Variants in TM4SF4 observed in about 807,000 individuals in gnomAD.
TM4SF4 encodes transmembrane 4 L6 family member 4.
A neutral mutation model predicts 24.1 loss-of-function variants in TM4SF4; 24 were observed. That is an observed-to-expected ratio of 1.00 (90% CI 0.72 to 1.40). The LOEUF (loss-of-function observed/expected upper bound fraction) is 1.40. Ranked by LOEUF, TM4SF4 falls within the 40% of genes most tolerant of loss-of-function variation. The probability of loss-of-function intolerance (pLI) is 0.00; values close to 1 mark genes in which losing one functional copy is unlikely to be tolerated. For missense variants in TM4SF4, 254 were observed against 254.2 expected (o/e 1.00, Z 0.01); for synonymous variants, 113 against 97.0 (o/e 1.17, Z -0.97).
intron 3 of TM4SF4, chr3:149,495,740 G>A: frequency 4.3e-6 from 1 of 233,286 alleles, no homozygotes; most frequent in South Asian, 6.3e-5. Context: ...CAAGTTTGCT[G>A]AGCTGAAGGA....
chr3:149,498,818 A>G lies in TM4SF4; in HGVS notation c.498A>G (p.Val166=). 3.7e-6 allele frequency: 6 copies of G among 1,613,970 alleles called. No individual in the cohort carries two copies. Among genetic ancestry groups the G allele is most frequent in the Non-Finnish European group, 4.2e-6 (5 of 1,179,870 alleles). ...CCCTCTTCTCCATCCTGCTGGTCGT[A>G]GGAGGAATCCAGATGGTTCTCTGCG... ...NLTLFSILLV[V]GGIQMVLCAI... is the part of the protein sequence containing the mutation. The change falls in exon 4 of 5, where the codon GTA becomes GTG. Residue 166 remains valine (V), a synonymous_variant. Transcript: ENST00000305354.
chr3:149,475,436 G>T (rs576231551), intron 1 of TM4SF4, among the ~76,000 whole-genome samples: 77 of 152,316 alleles, frequency 5.1e-4, no homozygotes, highest in African/African-American at 1.9e-3. Context: ...GCTGTTGTCA[G>T]TGTGGTCGTC....
chr3:149,502,337 C>T (rs911744416), intron 4 of TM4SF4, among the ~76,000 whole-genome samples: 2 of 151,964 alleles, frequency 1.3e-5, no homozygotes, highest in Admixed American at 1.3e-4. Context: ...AATTCATCAT[C>T]CACAGAACCA....
At chr3:149,493,066 A>G (rs1053273435) in intron 3 of TM4SF4, among the ~76,000 whole-genome samples, 3 of 152,230 alleles carry the variant, frequency 2.0e-5, no homozygotes, top group African/African-American at 7.2e-5. Flanking sequence ...AGTAAATAAC[A>G]CAAGGTACAT....
chr3:149,484,206 A>G (rs946388654), intron 2 of TM4SF4, among the ~76,000 whole-genome samples: 1 of 152,274 alleles, frequency 6.6e-6, no homozygotes, highest in Non-Finnish European at 1.5e-5. Flanking sequence ...GAGTCTGAAT[A>G]CAACATTTAT....
At chr3:149,481,036 A>G (rs1248752747) in intron 2 of TM4SF4, among the ~76,000 whole-genome samples, 12 of 151,690 alleles carry the variant, frequency 7.9e-5, no homozygotes, top group African/African-American at 2.9e-4. Flanking sequence ...AATTTTTTGT[A>G]TTTTTAGTAG....
At chr3:149,502,382 A>T (rs560426965) in intron 4 of TM4SF4, among the ~76,000 whole-genome samples, 20 of 152,302 alleles carry the variant, frequency 1.3e-4, no homozygotes, top group Admixed American at 3.9e-4. Flanking sequence ...ATTGAAATTT[A>T]AAAAAATTAA....
At position 149,475,821 on chromosome 3, in the gene TM4SF4, A is replaced by G; in HGVS notation, c.175-2A>G. 2.5e-6 allele frequency: 4 copies of G among 1,608,364 alleles called. No homozygotes were observed. The highest frequency in any genetic ancestry group is 2.5e-6 in the Non-Finnish European group (3 of 1,177,490). On this transcript the variant is annotated splice_acceptor_variant, in intron 1 of 4. Coordinates refer to ENST00000305354, the MANE Select transcript of TM4SF4 (RefSeq NM_004617.4). LOFTEE classifies it high-confidence loss of function. ...TCTCTGAGGTGCCTCTTCTCCTGGT[A>G]GATGATCTTCCCTGCGCTGGTGTTC... is the stretch of plus-strand genomic sequence containing the variant.
intron 2 of TM4SF4, among the ~76,000 whole-genome samples, chr3:149,480,222 T>A (rs925373694): frequency 6.6e-6 from 1 of 152,194 alleles, no homozygotes; most frequent in Non-Finnish European, 1.5e-5. Flanking sequence ...AGCATGTCGG[T>A]GGCTGGTCAG....
At chr3:149,478,206 C>T (rs1244034944) in intron 2 of TM4SF4, among the ~76,000 whole-genome samples, 2 of 152,204 alleles carry the variant, frequency 1.3e-5, no homozygotes, top group Non-Finnish European at 1.5e-5. Context: ...AGCGCAATGG[C>T]GCGATCTCGG....
intron 3 of TM4SF4, chr3:149,495,942 G>T: frequency 3.8e-6 from 1 of 263,152 alleles, no homozygotes; most frequent in Non-Finnish European, 7.4e-6. Flanking sequence ...CCAGGAACAA[G>T]AAGGTTGCTG....
intron 1 of TM4SF4, among the ~76,000 whole-genome samples, chr3:149,475,513 A>G (rs1733912988): frequency 6.6e-6 from 1 of 152,206 alleles, no homozygotes; most frequent in Non-Finnish European, 1.5e-5. Flanking sequence ...TCCGTTTGAG[A>G]GAGTGAAAGG....
intron 3 of TM4SF4, chr3:149,495,040 C>A: frequency 4.1e-6 from 1 of 244,242 alleles, no homozygotes. Context: ...TGGGCAGACC[C>A]ATGAACATGC....
chr3:149,491,224 T>C (rs962501260), intron 3 of TM4SF4, among the ~76,000 whole-genome samples: 1 of 147,976 alleles, frequency 6.8e-6, no homozygotes, highest in African/African-American at 2.5e-5. Flanking sequence ...GGTGGAAGGA[T>C]TGCTTGAGCC....
intron 3 of TM4SF4, chr3:149,495,005 G>T: frequency 4.7e-6 from 1 of 211,420 alleles, no homozygotes; most frequent in South Asian, 9.2e-5. Context: ...TGTTGGTGTT[G>T]GTGAATCTGA....
chr3:149,498,510 G>C (rs75696094), intron 3 of TM4SF4, among the ~76,000 whole-genome samples: 6,616 of 152,220 alleles, frequency 0.043, 180 homozygotes, highest in East Asian at 0.14. Flanking sequence ...GTGAATATGT[G>C]CGAAGTGATT....
rs926179240 is a variant in TM4SF4, at chr3:149,475,885, C to T, written c.237C>T (p.Gly79=). ...LKNNDCCGCC[G]NEGCGKRFAM... ...ACAATGACTGCTGTGGGTGCTGCGG[C>T]AACGAGGGCTGTGGGAAGCGATTTG... Residue 79 remains glycine, a synonymous_variant, in exon 2 of 5, where the codon GGC becomes GGT. Coordinates refer to ENST00000305354, the MANE Select transcript of TM4SF4 (RefSeq NM_004617.4). 21 of 1,612,912 alleles carry T rather than the reference C, an allele frequency of 1.3e-5. No individual in the cohort carries two copies. Among genetic ancestry groups the T allele is most frequent in the Admixed American group, 3.3e-5 (2 of 59,878 alleles).
In TM4SF4 at chr3:149,497,940, C is replaced by T. The variant is rs558858958; in HGVS notation, c.402-782C>T. Among the ~76,000 whole-genome samples, 39 of 151,670 alleles carry T rather than the reference C, an allele frequency of 2.6e-4. 1 individual carries two copies. Among genetic ancestry groups the T allele is most frequent in the Middle Eastern group, 7.0e-3 (2 of 286 alleles). The stretch of plus-strand genomic sequence containing the variant: ...GATTACAGGTGTGAGTCACCGCGCC[C>T]GGCCACAATGCCCTTTATATTGCAA... On this transcript the variant is annotated intron_variant, in intron 3 of 4. Transcript: ENST00000305354.
chr3:149,475,956 C>T, intron 2 of TM4SF4, 44 bp downstream of exon 2: 1 of 1,534,442 alleles, frequency 6.5e-7, no homozygotes. Context: ...CTCCAGGGTG[C>T]TCTGTGCTTT....
Sources: gnomAD v4.1 joint callset for allele counts (sites outside exome capture counted in the v4.1 genomes callset) on GRCh38, gnomAD v4.1.1 for gene constraint, MANE v1.5 for transcripts, NCBI Gene and HGNC (gene_info 2026-07-23, HGNC 2026-07-21) for gene names.